The following RAPGEF5 variants were observed in gnomAD, a reference collection of about 807,000 sequenced individuals.
The protein encoded by RAPGEF5 is Rap guanine nucleotide exchange factor 5.
A neutral mutation model predicts 125.2 loss-of-function variants in RAPGEF5; 65 were observed. That is an observed-to-expected ratio of 0.52 (90% CI 0.43 to 0.64). The LOEUF (loss-of-function observed/expected upper bound fraction) is 0.64, where lower values mean the gene tolerates loss of function less well. Among genes scored for constraint, RAPGEF5 ranks in the 30% least tolerant of loss-of-function variants. RAPGEF5 has a pLI of 0.00. For missense variants in RAPGEF5, 958 were observed against 1,048.1 expected, an observed-to-expected ratio of 0.91 and a Z score of 1.19; for synonymous variants, 391 against 385.9, an observed-to-expected ratio of 1.01 and a Z score of -0.16.
In RAPGEF5 at chr7:22,179,113, C is replaced by A. The variant is rs1784595778; in HGVS notation, c.1205-11965G>T. On this transcript the variant is annotated intron_variant, in intron 11 of 25. Coordinates refer to ENST00000665637, the MANE Select transcript of RAPGEF5 (RefSeq NM_012294.5). ...AAGAGCTCCAGCCCAGTGGCAGAGA[C>A]CAAGTATGTATTTCTTATTATGTCA... Among the ~76,000 whole-genome samples the A allele has an allele frequency of 2.0e-5, 3 of 152,138 alleles. No individual in the cohort carries two copies. In the South Asian group the frequency reaches 6.2e-4, roughly 32 times the overall value.
In RAPGEF5 at chr7:22,345,696, CTTTTTTTTTTTTT is replaced by C. The variant is rs60654602; in HGVS notation, c.231+11121_231+11133del. Among the ~76,000 whole-genome samples the C allele has an allele frequency of 7.0e-3, 750 of 106,674 alleles. 13 individuals carry two copies. The East Asian group carries it at 0.085, about 12-fold the overall frequency. 70.0% of individuals were successfully genotyped at this position (106,674 alleles called of 152,430 possible). On this transcript the variant is annotated intron_variant, in intron 1 of 25. Coordinates refer to ENST00000665637, the MANE Select transcript of RAPGEF5 (RefSeq NM_012294.5). ...GGTAGATTAGAACATGTCTAGGCAG[CTTTTTTTTTTTTT>C]TTTTTTTTTTAGAGAGTTATGTGCC...
At chr7:22,283,596 C>T (rs1002428339) in intron 6 of RAPGEF5, among the ~76,000 whole-genome samples, 2 of 152,102 alleles carry the variant, frequency 1.3e-5, no homozygotes, top group Admixed American at 1.3e-4. Context: ...TTTAAAGCTC[C>T]GTCGGCTTCT....
At chr7:22,242,356 G>C (rs1448351750) in intron 7 of RAPGEF5, among the ~76,000 whole-genome samples, 2 of 152,194 alleles carry the variant, frequency 1.3e-5, no homozygotes, top group Non-Finnish European at 2.9e-5. Flanking sequence ...CATGCCCTGG[G>C]GATAGGGACT....
intron 21 of RAPGEF5, among the ~76,000 whole-genome samples, chr7:22,137,494 T>C (rs1783114490): frequency 6.6e-6 from 1 of 152,160 alleles, no homozygotes; most frequent in South Asian, 2.1e-4. Context: ...ACAGGTACCA[T>C]GCAAAGTGAC....
chr7:22,125,760 T>C, intron 24 of RAPGEF5, 102 bp from the exon 25 acceptor site: 3 of 1,079,394 alleles, frequency 2.8e-6, no homozygotes, highest in Non-Finnish European at 2.9e-6. Context: ...CACTCTTGGC[T>C]GTAATAAAGA....
At chr7:22,347,401 T>G (rs1784243303) in intron 1 of RAPGEF5, among the ~76,000 whole-genome samples, 1 of 152,190 alleles carries the variant, frequency 6.6e-6, no homozygotes, top group Admixed American at 6.5e-5. Flanking sequence ...ATTTTTTAAA[T>G]AAAACACATG....
intron 1 of RAPGEF5, among the ~76,000 whole-genome samples, chr7:22,318,246 C>T (rs1243110035): frequency 6.6e-6 from 1 of 151,988 alleles, no homozygotes; most frequent in Non-Finnish European, 1.5e-5. Context: ...AACAACAGGA[C>T]AGGATATTCC....
chr7:22,318,792 T>C (rs1411030907), intron 1 of RAPGEF5, among the ~76,000 whole-genome samples: 1 of 152,098 alleles, frequency 6.6e-6, no homozygotes, highest in Admixed American at 6.6e-5. Flanking sequence ...CCTGCTGGGG[T>C]ACGCTCCTCT....
intron 13 of RAPGEF5, among the ~76,000 whole-genome samples, chr7:22,161,583 A>AC (rs1784002103): frequency 1.1e-5 from 1 of 93,890 alleles, no homozygotes; most frequent in South Asian, 3.7e-4. Context: ...CACACACACA[A>AC]TTCCACATAA....
At chr7:22,238,394 T>C (rs1562776537) in intron 7 of RAPGEF5, among the ~76,000 whole-genome samples, 1 of 152,244 alleles carries the variant, frequency 6.6e-6, no homozygotes, top group African/African-American at 2.4e-5. Context: ...ACTCATAATT[T>C]TTCCAACACA....
At chr7:22,226,372 A>G (rs1375476537) in intron 8 of RAPGEF5, among the ~76,000 whole-genome samples, 1 of 152,240 alleles carries the variant, frequency 6.6e-6, no homozygotes, top group Non-Finnish European at 1.5e-5. Context: ...ATGAGCTTAG[A>G]TGATAAATTA....
intron 5 of RAPGEF5, among the ~76,000 whole-genome samples, chr7:22,292,769 G>C (rs1304824565): frequency 6.6e-6 from 1 of 152,216 alleles, no homozygotes; most frequent in Admixed American, 6.5e-5. Context: ...TGTGTCTGTA[G>C]TGACACATGG....
At chr7:22,296,497 G>A (rs1783064206) in intron 5 of RAPGEF5, among the ~76,000 whole-genome samples, 1 of 152,170 alleles carries the variant, frequency 6.6e-6, no homozygotes, top group Non-Finnish European at 1.5e-5. Flanking sequence ...ACTTCAGCAG[G>A]ACCAAAAGCA....
chr7:22,206,517 C>T (rs1229746837), intron 9 of RAPGEF5, among the ~76,000 whole-genome samples: 1 of 151,844 alleles, frequency 6.6e-6, no homozygotes, highest in Non-Finnish European at 1.5e-5. Context: ...GCCTGGGCAA[C>T]ATAGTGAGGC....
chr7:22,149,033 A>G (rs1783534383), intron 18 of RAPGEF5, among the ~76,000 whole-genome samples: 1 of 152,226 alleles, frequency 6.6e-6, no homozygotes, highest in Non-Finnish European at 1.5e-5. Context: ...TACAAATGAA[A>G]GAAATGTGCA....
At chr7:22,191,415 G>A (rs1358425720) in intron 11 of RAPGEF5, 8 of 361,192 alleles carry the variant, frequency 2.2e-5, no homozygotes, top group South Asian at 1.7e-4. Flanking sequence ...TTTGGTGAAA[G>A]TTGTTACCAT....
chr7:22,237,111 C>T (rs1786211819), intron 7 of RAPGEF5, among the ~76,000 whole-genome samples: 1 of 152,218 alleles, frequency 6.6e-6, no homozygotes, highest in Non-Finnish European at 1.5e-5. Context: ...GCCCAAACAC[C>T]AGCTCCTTAA....
intron 1 of RAPGEF5, among the ~76,000 whole-genome samples, chr7:22,350,416 T>A (rs1357454420): frequency 6.6e-6 from 1 of 152,230 alleles, no homozygotes; most frequent in Admixed American, 6.5e-5. Flanking sequence ...TAGATTTCTA[T>A]AAATATGTCC....
chr7:22,275,105 C>T (rs1258940447), intron 6 of RAPGEF5, among the ~76,000 whole-genome samples: 2 of 152,146 alleles, frequency 1.3e-5, no homozygotes, highest in African/African-American at 4.8e-5. Flanking sequence ...CACCTCCCCG[C>T]CTTGTATGGC....
Sources: gnomAD v4.1 joint callset for allele counts (sites outside exome capture counted in the v4.1 genomes callset) on GRCh38, gnomAD v4.1.1 for gene constraint, MANE v1.5 for transcripts, NCBI Gene and HGNC (gene_info 2026-07-23, HGNC 2026-07-21) for gene names.